The following TAFA2 variants were observed in gnomAD, a reference collection of about 807,000 sequenced individuals.
The protein encoded by TAFA2 is TAFA chemokine like family member 2, also known as chemokine-like protein TAFA-2.
In TAFA2, 7 loss-of-function variants were observed where a neutral mutation model predicts 18.8. That is an observed-to-expected ratio of 0.37 (90% CI 0.21 to 0.70). The LOEUF (loss-of-function observed/expected upper bound fraction) is 0.70. Among genes scored for constraint, TAFA2 ranks in the 30% least tolerant of loss-of-function variants. The pLI, the probability that TAFA2 is intolerant of heterozygous loss-of-function variation, is 0.53. For missense variants in TAFA2, 122 were observed against 158.1 expected (o/e 0.77, Z 1.23); for synonymous variants, 60 against 54.2 (o/e 1.11, Z -0.47).
chr12:62,038,135 A>G (rs1386131010), intron 1 of TAFA2, among the ~76,000 whole-genome samples: 1 of 152,166 alleles, frequency 6.6e-6, no homozygotes, highest in Non-Finnish European at 1.5e-5. Context: ...CAAAACAGAC[A>G]AAGTAGCAGA....
intron 2 of TAFA2, among the ~76,000 whole-genome samples, chr12:61,865,299 G>A (rs560830463): frequency 2.0e-5 from 3 of 152,230 alleles, no homozygotes; most frequent in Admixed American, 1.3e-4. Flanking sequence ...GAGCACACTA[G>A]TAATCATTTT....
In TAFA2 at chr12:61,790,028, A is replaced by G. The variant is rs141068334; in HGVS notation, c.107-35004T>C. 7.8e-3 allele frequency among the ~76,000 whole-genome samples: 1,181 copies of G among 151,966 alleles called. 10 individuals are homozygous for G. The highest frequency in any genetic ancestry group is 0.013 in the Non-Finnish European group (886 of 67,846). On this transcript the variant is annotated intron_variant, in intron 2 of 4. Coordinates refer to ENST00000416284, the MANE Select transcript of TAFA2 (RefSeq NM_178539.5). ...TAAAGATCATTGACCATGACCAAAT[A>G]TGATTCATTCCAGTGAAGCAAGAAT...
At chr12:62,124,301 T>TAAA (rs3031081) in intron 1 of TAFA2, among the ~76,000 whole-genome samples, 10 of 147,442 alleles carry the variant, frequency 6.8e-5, no homozygotes, top group Admixed American at 3.4e-4. Flanking sequence ...CTGAGGAAGT[T>TAAA]AAAAAAAAAA....
At chr12:62,011,900 C>T (rs569803816) in intron 1 of TAFA2, among the ~76,000 whole-genome samples, 32 of 152,274 alleles carry the variant, frequency 2.1e-4, no homozygotes, top group African/African-American at 7.7e-4. Flanking sequence ...CTAAAGCTGA[C>T]TTCACATTTG....
rs1025637404 is a variant in TAFA2 at position 61,790,386 on chromosome 12, T to A, written c.107-35362A>T. Among the ~76,000 whole-genome samples the A allele has an allele frequency of 3.3e-5, 5 of 151,866 alleles. 1 individual carries two copies. In the Middle Eastern group the frequency reaches 0.01, roughly 310 times the overall value. On this transcript the variant is annotated intron_variant, in intron 2 of 4. Coordinates refer to ENST00000416284, the MANE Select transcript of TAFA2 (RefSeq NM_178539.5). ...AGCCAGAGTAATGAGGCAACAGAAA[T>A]CAATAAAACTTATCCAAATCAGAAA...
At chr12:62,127,147 G>A (rs1870496375) in intron 1 of TAFA2, among the ~76,000 whole-genome samples, 1 of 152,044 alleles carries the variant, frequency 6.6e-6, no homozygotes, top group African/African-American at 2.4e-5. Context: ...GTGGTCTCAA[G>A]TCAGGCCTTT....
intron 1 of TAFA2, among the ~76,000 whole-genome samples, chr12:61,958,076 A>G (rs1338816738): frequency 6.6e-6 from 1 of 152,106 alleles, no homozygotes; most frequent in Non-Finnish European, 1.5e-5. Flanking sequence ...TTTCTCATAT[A>G]CTCATACAAA....
At chr12:62,084,152 T>G (rs1868369448) in intron 1 of TAFA2, among the ~76,000 whole-genome samples, 1 of 152,194 alleles carries the variant, frequency 6.6e-6, no homozygotes, top group South Asian at 2.1e-4. Context: ...GCGCTACATT[T>G]TTCCAACATT....
At chr12:62,140,288 T>C (rs1441418393) in intron 1 of TAFA2, 2 of 152,176 alleles carry the variant, frequency 1.3e-5, no homozygotes, top group Non-Finnish European at 2.9e-5. Flanking sequence ...TAAAGAATGT[T>C]TTGGTAGACA....
chr12:61,973,476 A>G (rs1234278661), intron 1 of TAFA2, among the ~76,000 whole-genome samples: 1 of 143,700 alleles, frequency 7.0e-6, no homozygotes, highest in Admixed American at 7.2e-5. Flanking sequence ...ATATTTATTT[A>G]CTTAATTATA....
chr12:62,236,987 T>A (rs558848735), intron 1 of TAFA2, among the ~76,000 whole-genome samples: 1 of 152,342 alleles, frequency 6.6e-6, no homozygotes, highest in South Asian at 2.1e-4. Flanking sequence ...TATCAGTATC[T>A]TTCTCTAGGT....
intron 1 of TAFA2, among the ~76,000 whole-genome samples, chr12:62,003,142 C>A (rs1047906935): frequency 6.6e-6 from 1 of 152,164 alleles, no homozygotes; most frequent in Admixed American, 6.5e-5. Flanking sequence ...CAGCTTCTAT[C>A]TTTCTCCATC....
At chr12:61,970,096 G>T (rs952070459) in intron 1 of TAFA2, among the ~76,000 whole-genome samples, 4 of 151,534 alleles carry the variant, frequency 2.6e-5, no homozygotes, top group African/African-American at 9.7e-5. Context: ...TGACCCAGTT[G>T]TATACCAAAT....
chr12:61,974,637 G>T (rs1357183496), intron 1 of TAFA2, among the ~76,000 whole-genome samples: 2 of 151,914 alleles, frequency 1.3e-5, no homozygotes, highest in Non-Finnish European at 2.9e-5. Flanking sequence ...TGCAGCAGCA[G>T]TGCCACCAGG....
intron 1 of TAFA2, among the ~76,000 whole-genome samples, chr12:62,223,535 C>CA (rs1025865382): frequency 4.0e-5 from 6 of 151,110 alleles, no homozygotes; most frequent in East Asian, 1.9e-4. Context: ...TACAAATATG[C>CA]AAAAAAAACG....
intron 1 of TAFA2, among the ~76,000 whole-genome samples, chr12:62,040,234 T>C (rs957797203): frequency 6.6e-6 from 1 of 152,094 alleles, no homozygotes; most frequent in Non-Finnish European, 1.5e-5. Flanking sequence ...ATAAGATTAC[T>C]TGGGGAGAAA....
At position 61,710,423 on chromosome 12, in the gene TAFA2, A is replaced by G. The variant is rs774677592; in HGVS notation, c.385-6T>C. Reference sequence around the variant, plus strand: ...CTCCTGGGTTAATGGGTTACCTACAAAGGAAGGAGAAAATATAGTCAACAT... The same window carrying G: ...CTCCTGGGTTAATGGGTTACCTACAGAGGAAGGAGAAAATATAGTCAACAT... On this transcript the variant is annotated splice_polypyrimidine_tract_variant and splice_region_variant and intron_variant, in intron 4 of 4. Transcript: ENST00000416284. 4.4e-6 allele frequency: 7 copies of G among 1,603,910 alleles called. 1 individual carries two copies. In the South Asian group the frequency reaches 7.7e-5, roughly 18 times the overall value.
intron 1 of TAFA2, among the ~76,000 whole-genome samples, chr12:61,933,039 G>A (rs1001933431): frequency 2.0e-5 from 3 of 152,140 alleles, no homozygotes; most frequent in Non-Finnish European, 4.4e-5. Context: ...AATTGACCCA[G>A]CTGAGGTTAT....
intron 1 of TAFA2, among the ~76,000 whole-genome samples, chr12:62,034,118 C>A (rs370925087): frequency 2.0e-5 from 3 of 151,872 alleles, no homozygotes; most frequent in African/African-American, 7.3e-5. Flanking sequence ...CCAGTTAACA[C>A]GTAAATGGAT....
Sources: gnomAD v4.1 joint callset for allele counts (sites outside exome capture counted in the v4.1 genomes callset) on GRCh38, gnomAD v4.1.1 for gene constraint, MANE v1.5 for transcripts, NCBI Gene and HGNC (gene_info 2026-07-23, HGNC 2026-07-21) for gene names.